TCF20: variants seen among roughly 807,000 people sequenced by gnomAD.
The protein encoded by TCF20 is transcription factor 20, also known as SPRE-binding protein.
In TCF20, 3 loss-of-function variants were observed where a neutral mutation model predicts 148.6. The observed-to-expected ratio is 0.02, with a 90% CI of 0.01 to 0.05. TCF20 has a LOEUF of 0.05. Ranked by LOEUF, TCF20 falls within the 10% of genes least tolerant of loss-of-function variation. The pLI is 1.00. For synonymous variants in TCF20, 1,049 were observed against 909.5 expected, an observed-to-expected ratio of 1.15 and a Z score of -2.76; for missense variants, 2,350 against 2,429.3, an observed-to-expected ratio of 0.97 and a Z score of 0.69.
chr22:42,342,702 C>T (rs539846038), intron 1 of TCF20, among the ~76,000 whole-genome samples: 3 of 152,302 alleles, frequency 2.0e-5, no homozygotes, highest in South Asian at 4.1e-4. Flanking sequence ...TTCCAGAGCC[C>T]GACCCTACTT....
chr22:42,326,620 C>T (rs1477765851), intron 1 of TCF20, among the ~76,000 whole-genome samples: 1 of 152,214 alleles, frequency 6.6e-6, no homozygotes, highest in East Asian at 1.9e-4. Flanking sequence ...CTCAGGGAGC[C>T]AGGTACAGGC....
chr22:42,252,400 T>G (rs1052859410), intron 1 of TCF20, among the ~76,000 whole-genome samples: 18 of 152,128 alleles, frequency 1.2e-4, no homozygotes, highest in African/African-American at 4.3e-4. Flanking sequence ...AAACATAAAC[T>G]TCGGTAATAT....
At chr22:42,224,533 A>AC (rs1190624385) in intron 1 of TCF20, among the ~76,000 whole-genome samples, 2 of 97,938 alleles carry the variant, frequency 2.0e-5, no homozygotes, top group Non-Finnish European at 4.3e-5. Context: ...TAAAGCTGGT[A>AC]CAAAAAAAAA....
intron 1 of TCF20, among the ~76,000 whole-genome samples, chr22:42,302,864 C>T (rs1248735319): frequency 6.6e-6 from 1 of 152,216 alleles, no homozygotes; most frequent in Non-Finnish European, 1.5e-5. Flanking sequence ...CCAGAGCCTC[C>T]AGCCCTGGCA....
intron 2 of TCF20, among the ~76,000 whole-genome samples, chr22:42,183,599 C>T (rs1327350133): frequency 6.6e-6 from 1 of 152,128 alleles, no homozygotes; most frequent in African/African-American, 2.4e-5. Flanking sequence ...TTTTCCAAAG[C>T]CCAGCCCACA....
Position 42,290,417 on chromosome 22 carries a change from C to T in TCF20, c.-37+53062G>A, listed in dbSNP as rs963805521. Among the ~76,000 whole-genome samples, 5 of 152,216 alleles carry T rather than the reference C, an allele frequency of 3.3e-5. No homozygotes were observed. The highest frequency in any genetic ancestry group is 1.2e-4 in the African/African-American group (5 of 41,460). On this transcript the variant is annotated intron_variant, in intron 1 of 1. Transcript: ENST00000515426. This position sits in a 1 kb window ranked among gnomAD's most constrained non-coding sequence, Gnocchi z 4.2. ...AGAATCGTTCAGAATCTTTCATCTG[C>T]TCAAAATATAAAAACCCCAGTGAAG...
intron 1 of TCF20, among the ~76,000 whole-genome samples, chr22:42,246,113 CTTTTTTT>C (rs745339041): frequency 4.0e-5 from 6 of 151,808 alleles, no homozygotes; most frequent in Non-Finnish European, 4.4e-5. Flanking sequence ...TTTCTTTTTT[CTTTTTTT>C]TCTGAGATGG....
intron 1 of TCF20, among the ~76,000 whole-genome samples, chr22:42,312,203 G>A (rs1601702745): frequency 2.0e-5 from 3 of 152,314 alleles, no homozygotes; most frequent in South Asian, 2.1e-4. Context: ...GAGTGAATGA[G>A]TAAGCAGCTG....
Position 42,161,187 on chromosome 22 carries a change from T to C in TCF20, c.*216A>G, listed in dbSNP as rs1935429795. On this transcript the variant is annotated 3_prime_UTR_variant, in exon 6 of 6. Coordinates refer to ENST00000677622, the MANE Select transcript of TCF20 (RefSeq NM_001378418.1). ...AACAGCCATTCCAACGTCTTGGGTCTTTCTTTCCTGTGGTGTCACTGGTTT... is the reference window on the plus strand; with the variant it reads ...AACAGCCATTCCAACGTCTTGGGTCCTTCTTTCCTGTGGTGTCACTGGTTT... 2.9e-6 allele frequency: 2 copies of C among 694,464 alleles called. No individual in the cohort carries two copies. The highest frequency in any genetic ancestry group is 2.5e-5 in the Admixed American group (1 of 39,718). 43.0% of individuals were successfully genotyped at this position (694,464 alleles called of 1,614,324 possible).
intron 2 of TCF20, among the ~76,000 whole-genome samples, chr22:42,207,756 G>C (rs1223103562): frequency 1.3e-5 from 2 of 152,116 alleles, no homozygotes. Context: ...CGGAGGTTGC[G>C]GTGAGCTGAG....
At chr22:42,196,605 CAT>C (rs1401672941) in intron 2 of TCF20, among the ~76,000 whole-genome samples, 3 of 152,326 alleles carry the variant, frequency 2.0e-5, no homozygotes, top group African/African-American at 4.8e-5. Context: ...CTTCACCTGA[CAT>C]GTGTCTGAAC....
intron 1 of TCF20, among the ~76,000 whole-genome samples, chr22:42,302,168 C>T (rs1471470461): frequency 1.3e-5 from 2 of 152,178 alleles, no homozygotes; most frequent in South Asian, 2.1e-4. Context: ...CTTGATGCTG[C>T]CTTAAGGGCA....
intron 1 of TCF20, among the ~76,000 whole-genome samples, chr22:42,260,925 C>G (rs1376990420): frequency 6.6e-6 from 1 of 152,206 alleles, no homozygotes; most frequent in African/African-American, 2.4e-5. Context: ...AAATCACATA[C>G]AGCATATGAT....
At chr22:42,246,956 ACT>A (rs1162273546) in intron 1 of TCF20, among the ~76,000 whole-genome samples, 2 of 148,176 alleles carry the variant, frequency 1.3e-5, no homozygotes, top group South Asian at 2.2e-4. Flanking sequence ...ACAGAGCAAG[ACT>A]CTGTCTCAAA....
At chr22:42,331,424 G>A (rs1298514114) in intron 1 of TCF20, among the ~76,000 whole-genome samples, 1 of 152,210 alleles carries the variant, frequency 6.6e-6, no homozygotes, top group African/African-American at 2.4e-5. Context: ...TATAGCCCAC[G>A]AGAGAAAGTG....
intron 1 of TCF20, among the ~76,000 whole-genome samples, chr22:42,238,359 G>A (rs1241212957): frequency 3.3e-5 from 5 of 152,180 alleles, no homozygotes; most frequent in Non-Finnish European, 5.9e-5. Flanking sequence ...GGAATGTTGC[G>A]GCTGGTTGAT....
intron 3 of TCF20, 70 bp from the exon 4 acceptor site, chr22:42,169,966 G>A (rs1769647207): frequency 6.6e-7 from 1 of 1,519,466 alleles, no homozygotes; most frequent in Non-Finnish European, 9.1e-7. Context: ...TGCTGGCTGG[G>A]ATTGACAGGG....
At chr22:42,169,713 G>C in intron 4 of TCF20, 134 bp downstream of exon 4, 1 of 838,330 alleles carries the variant, frequency 1.2e-6, no homozygotes, top group Admixed American at 2.5e-5. Flanking sequence ...CCAGGGCCAG[G>C]AGGGGACTAA....
chr22:42,301,927 C>T (rs1051402302), intron 1 of TCF20, among the ~76,000 whole-genome samples: 17 of 152,248 alleles, frequency 1.1e-4, no homozygotes, highest in African/African-American at 4.1e-4. Context: ...GCCTGGATTC[C>T]GGGCCCAGGG....
Sources: gnomAD v4.1 joint callset for allele counts (sites outside exome capture counted in the v4.1 genomes callset) on GRCh38, gnomAD v4.1.1 for gene constraint, Gnocchi (gnomAD v3.1) non-coding constraint, MANE v1.5 for transcripts, NCBI Gene and HGNC (gene_info 2026-07-23, HGNC 2026-07-21) for gene names.